PRELID2: variants seen among roughly 807,000 people sequenced by gnomAD.
PRELID2 encodes PRELI domain-containing protein 2.
In PRELID2, 25 loss-of-function variants were observed where a neutral mutation model predicts 28.4. The ratio of observed to expected loss-of-function variants is 0.88; its 90% CI spans 0.64 to 1.23. The LOEUF is 1.23. PRELID2 is among the 50% of genes most tolerant of loss of function. PRELID2 has a pLI of 0.00. For synonymous variants in PRELID2, 76 were observed against 71.6 expected, an observed-to-expected ratio of 1.06 and a Z score of -0.31; for missense variants, 201 against 214.4, an observed-to-expected ratio of 0.94 and a Z score of 0.39.
intron 1 of PRELID2, among the ~76,000 whole-genome samples, chr5:145,830,691 T>C (rs1755524544): frequency 6.6e-6 from 1 of 152,226 alleles, no homozygotes; most frequent in Non-Finnish European, 1.5e-5. Context: ...CTATTTTGGG[T>C]TTCATAACAT....
the PRELID2 span, among the ~76,000 whole-genome samples, chr5:145,242,342 C>T: frequency 6.6e-6 from 1 of 151,874 alleles, no homozygotes; most frequent in Non-Finnish European, 1.5e-5. Context: ...CATTAAATAA[C>T]ACTATCAAAT....
the PRELID2 span, among the ~76,000 whole-genome samples, chr5:145,319,291 T>C: frequency 6.6e-6 from 1 of 152,222 alleles, no homozygotes; most frequent in Admixed American, 6.5e-5. Context: ...ATTTCCCTGA[T>C]AATGTCAACT....
chr5:145,382,171 ATTAG>A, the PRELID2 span, among the ~76,000 whole-genome samples: 2 of 152,042 alleles, frequency 1.3e-5, no homozygotes, highest in Non-Finnish European at 2.9e-5. Context: ...CACAGAAAGA[ATTAG>A]TTAACTTGAA....
At chr5:145,670,798 C>G (rs941679005) in intron 1 of PRELID2, among the ~76,000 whole-genome samples, 2 of 152,146 alleles carry the variant, frequency 1.3e-5, no homozygotes, top group Non-Finnish European at 2.9e-5. Context: ...ATGGTGTAGC[C>G]TGATCTCAGT....
At chr5:145,676,237 A>T (rs192827911) in intron 1 of PRELID2, among the ~76,000 whole-genome samples, 15,859 of 148,832 alleles carry the variant, frequency 0.11, 1,279 homozygotes, top group Admixed American at 0.2. Flanking sequence ...AAAAAAAAAA[A>T]AAAAATAATG....
the PRELID2 span, among the ~76,000 whole-genome samples, chr5:145,238,963 C>CTCTATCTATCTATCTA: frequency 0.035 from 5,387 of 151,934 alleles, 323 homozygotes; most frequent in African/African-American, 0.12. Flanking sequence ...ATCTATCTGT[C>CTCTATCTATCTATCTA]TCTATCTATC....
chr5:145,669,683 C>T (rs1754666894), intron 1 of PRELID2, among the ~76,000 whole-genome samples: 1 of 152,134 alleles, frequency 6.6e-6, no homozygotes, highest in Non-Finnish European at 1.5e-5. Flanking sequence ...TGGCCCACAA[C>T]CATGCATGTT....
At chr5:145,615,252 T>C (rs937123807) in intron 1 of PRELID2, among the ~76,000 whole-genome samples, 2 of 152,100 alleles carry the variant, frequency 1.3e-5, no homozygotes, top group Non-Finnish European at 2.9e-5. Context: ...TCTCCATTTG[T>C]ATAAAATGCC....
chr5:145,779,978 C>T (rs185669344), intron 5 of PRELID2, among the ~76,000 whole-genome samples: 8 of 152,098 alleles, frequency 5.3e-5, no homozygotes, highest in Non-Finnish European at 2.9e-5. Flanking sequence ...CCCAGGAGTT[C>T]GAGACCAGCC....
At chr5:145,705,746 C>T (rs555776952) in intron 1 of PRELID2, among the ~76,000 whole-genome samples, 22 of 152,084 alleles carry the variant, frequency 1.4e-4, no homozygotes, top group African/African-American at 2.7e-4. Flanking sequence ...AGATAATATG[C>T]GAAAACAAAA....
Position 145,633,198 on chromosome 5 carries a change from A to G in PRELID2, n.70+131733T>C, listed in dbSNP as rs1273531558. Among the ~76,000 whole-genome samples, 3 of 152,228 alleles carry G rather than the reference A, an allele frequency of 2.0e-5. No homozygotes were observed. The East Asian group carries it at 5.8e-4, about 29-fold the overall frequency. On this transcript the variant is annotated intron_variant and non_coding_transcript_variant, in intron 1 of 2. Coordinates refer to the PRELID2 transcript ENST00000510259. ...TGCTGAACAAAGGACCAGTGAATCC[A>G]TGCCTGGTCTCCTGACCCACAGACA...
the PRELID2 span, chr5:145,441,227 C>T: frequency 6.6e-6 from 1 of 152,130 alleles, no homozygotes; most frequent in East Asian, 1.9e-4. Flanking sequence ...GAACAAAGAA[C>T]ATTAGCACCT....
rs1757391920 is a variant in PRELID2, at chr5:145,759,941, C to T, written c.*595G>A. On this transcript the variant is annotated 3_prime_UTR_variant, in exon 7 of 7. Coordinates refer to ENST00000683046, the MANE Select transcript of PRELID2 (RefSeq NM_205846.3). ...TACATTCTAAAAGCTATACTTATGG[C>T]AGTTACATATTACTTATGGATAGGA... 2 of 152,014 alleles carry T rather than the reference C, an allele frequency of 1.3e-5. No homozygotes were observed. The highest frequency in any genetic ancestry group is 4.8e-5 in the African/African-American group (2 of 41,368). The allele number at this position is 152,014 out of a possible 1,614,324, so 9.4% of individuals were successfully genotyped here. A position where few individuals can be genotyped will look rare whatever the true frequency, so the allele number is the denominator to read the frequency against.
the PRELID2 span, among the ~76,000 whole-genome samples, chr5:145,257,426 T>TACTC: frequency 0.082 from 12,521 of 151,972 alleles, 1,097 homozygotes; most frequent in African/African-American, 0.23. Context: ...TATTTTAAAA[T>TACTC]AATTTATGCA....
intron 1 of PRELID2, among the ~76,000 whole-genome samples, chr5:145,607,633 G>T (rs138537359): frequency 3.9e-5 from 6 of 152,094 alleles, no homozygotes; most frequent in African/African-American, 1.4e-4. Flanking sequence ...GGGGTTTTTT[G>T]ATTTTGCTGA....
chr5:145,661,666 TAAAAAAAAAAAA>T (rs567073073), intron 1 of PRELID2, among the ~76,000 whole-genome samples: 2 of 97,184 alleles, frequency 2.1e-5, no homozygotes, highest in Admixed American at 2.2e-4. Context: ...AACAAGCCAT[TAAAAAAAAAAAA>T]AAAAAAAAAA....
intron 1 of PRELID2, among the ~76,000 whole-genome samples, chr5:145,829,444 A>G (rs1755438358): frequency 6.6e-6 from 1 of 152,214 alleles, no homozygotes; most frequent in South Asian, 2.1e-4. Flanking sequence ...TGTTATCATT[A>G]TTCAACAAGT....
At chr5:145,432,691 A>C in the PRELID2 span, among the ~76,000 whole-genome samples, 2 of 152,026 alleles carry the variant, frequency 1.3e-5, no homozygotes, top group Non-Finnish European at 2.9e-5. Context: ...ACAAAAGAAT[A>C]ATTTTGGTGT....
At chr5:145,531,715 G>T (rs1752656513) in intron 1 of PRELID2, among the ~76,000 whole-genome samples, 1 of 152,138 alleles carries the variant, frequency 6.6e-6, no homozygotes, top group South Asian at 2.1e-4. Flanking sequence ...TTGCTCTCAT[G>T]CAGAGAAGGA....
Sources: gnomAD v4.1 joint callset for allele counts (sites outside exome capture counted in the v4.1 genomes callset) on GRCh38, gnomAD v4.1.1 for gene constraint, MANE v1.5 for transcripts, NCBI Gene and HGNC (gene_info 2026-07-23, HGNC 2026-07-21) for gene names.